The following ALDH1L1 variants were observed in gnomAD, a reference collection of about 807,000 sequenced individuals.
ALDH1L1 encodes the protein cytosolic 10-formyltetrahydrofolate dehydrogenase.
Under a neutral mutation model 101.1 loss-of-function variants are expected in ALDH1L1, and 68 were observed. That is an observed-to-expected ratio of 0.67 (90% CI 0.55 to 0.82). The LOEUF (loss-of-function observed/expected upper bound fraction) is 0.82, where lower values mean the gene tolerates loss of function less well. Ranked by LOEUF, ALDH1L1 falls within the 40% of genes least tolerant of loss-of-function variation. ALDH1L1 has a pLI of 0.00. For synonymous variants in ALDH1L1, 486 were observed against 470.8 expected (o/e 1.03, Z -0.42); for missense variants, 1,087 against 1,172.7 (o/e 0.93, Z 1.07).
chr3:126,177,321 G>A (rs2081379863), intron 1 of ALDH1L1, among the ~76,000 whole-genome samples: 1 of 152,186 alleles, frequency 6.6e-6, no homozygotes, highest in Non-Finnish European at 1.5e-5. Flanking sequence ...GTATGTGAAT[G>A]GAGAAATAAA....
intron 1 of ALDH1L1, among the ~76,000 whole-genome samples, chr3:126,197,181 T>C (rs1173738618): frequency 1.3e-5 from 2 of 152,250 alleles, no homozygotes. Flanking sequence ...ATTTGTTGTT[T>C]ATTTGGAATG....
At position 126,103,808 on chromosome 3, in the gene ALDH1L1, C is replaced by T. The variant is rs762297556; in HGVS notation, c.2692G>A (p.Val898Met). ...ALNEYLRVKT[V>M]TFEY is the part of the protein sequence containing the mutation. Reference sequence around the variant, plus strand: ...ACCTTTCTTCAGTATTCGAAGGTCACTGTCTTGACCCGCAGGTACTCGTTC... The same window carrying T: ...ACCTTTCTTCAGTATTCGAAGGTCATTGTCTTGACCCGCAGGTACTCGTTC... The change falls in exon 23 of 23, where the codon GTG becomes ATG. Residue 898 changes from valine to methionine, a missense_variant. Coordinates refer to ENST00000393434, the MANE Select transcript of ALDH1L1 (RefSeq NM_012190.4). 2.5e-6 allele frequency: 4 copies of T among 1,613,782 alleles called. No homozygotes were observed. The highest frequency in any genetic ancestry group is 3.4e-6 in the Non-Finnish European group (4 of 1,179,874).
At chr3:126,144,354 A>C (rs978640620) in intron 9 of ALDH1L1, among the ~76,000 whole-genome samples, 2 of 152,238 alleles carry the variant, frequency 1.3e-5, no homozygotes, top group Non-Finnish European at 2.9e-5. Context: ...GAAATTACAA[A>C]AATCATCTTA....
intron 1 of ALDH1L1, among the ~76,000 whole-genome samples, chr3:126,191,169 G>C (rs1025577296): frequency 6.6e-6 from 1 of 152,184 alleles, no homozygotes; most frequent in Non-Finnish European, 1.5e-5. Flanking sequence ...CAGCTTAGAT[G>C]GAGATTGGGA....
At chr3:126,117,556 T>C (rs993837824) in intron 17 of ALDH1L1, among the ~76,000 whole-genome samples, 4 of 151,296 alleles carry the variant, frequency 2.6e-5, no homozygotes, top group Non-Finnish European at 5.9e-5. Flanking sequence ...CTTGGGAGGC[T>C]GAGGAGCATC....
upstream of ALDH1L1, among the ~76,000 whole-genome samples, chr3:126,185,380 C>T (rs2081508851): frequency 6.6e-6 from 1 of 152,208 alleles, no homozygotes. Context: ...GTGCTCGCAC[C>T]TCTATGGGGG....
intron 8 of ALDH1L1, among the ~76,000 whole-genome samples, chr3:126,149,976 G>A (rs1404205292): frequency 1.3e-5 from 2 of 152,176 alleles, no homozygotes; most frequent in Non-Finnish European, 1.5e-5. Flanking sequence ...CATCATATTG[G>A]GGCAAAGCTG....
upstream of ALDH1L1, chr3:126,180,927 C>A (rs770415593): frequency 1.9e-6 from 3 of 1,609,030 alleles, no homozygotes; most frequent in Middle Eastern, 1.7e-4. Context: ...CTCACTCACT[C>A]GCTCACCCTC....
intron 1 of ALDH1L1, among the ~76,000 whole-genome samples, chr3:126,171,930 T>C (rs2081284432): frequency 6.6e-6 from 1 of 152,038 alleles, no homozygotes; most frequent in South Asian, 2.1e-4. Flanking sequence ...TCCAGTATAG[T>C]AACAAGGGGA....
At chr3:126,147,222 G>A (rs1316747431) in intron 8 of ALDH1L1, among the ~76,000 whole-genome samples, 4 of 152,188 alleles carry the variant, frequency 2.6e-5, no homozygotes, top group Admixed American at 6.5e-5. Flanking sequence ...GCTGATGGAG[G>A]ACAGATGTGC....
At position 126,136,820 on chromosome 3, in the gene ALDH1L1, A is replaced by C. The variant is rs1401334691; in HGVS notation, c.1288T>G (p.Phe430Val). The change falls in exon 11 of 23, where the codon TTC (phenylalanine) becomes GTC (valine). Residue 430 changes from phenylalanine to valine, a missense_variant. This residue lies in a region of ALDH1L1 where 645 missense variants were observed against 637.0 expected (regional missense o/e 1.01). Transcript: ENST00000393434. ...GTCTTGGCGCCCTCGGCATCCACGA[A>C]CTCCCCCCCAATGAAGAGCTGGTGG... ...MPHQLFIGGE[F>V]VDAEGAKTSE... The C allele has an allele frequency of 6.2e-7, 1 of 1,607,848 alleles. No homozygotes were observed. The highest frequency in any genetic ancestry group is 8.5e-7 in the Non-Finnish European group (1 of 1,177,432).
rs968617590 is a variant in ALDH1L1 at position 126,116,316 on chromosome 3, C to A, written c.1983-1660G>T. ...TGGAGTGCAGTGCGTGATCTCGGCT[C>A]ATTTAGCTTCCGTGTCCCAGGCTTC... On this transcript the variant is annotated intron_variant, in intron 17 of 22. Transcript: ENST00000393434. Among the ~76,000 whole-genome samples the A allele has an allele frequency of 2.0e-5, 3 of 151,784 alleles. 1 individual carries two copies. The highest frequency in any genetic ancestry group is 2.0e-4 in the Admixed American group (3 of 15,248).
chr3:126,147,347 G>A (rs921974156), intron 8 of ALDH1L1, among the ~76,000 whole-genome samples: 1 of 152,218 alleles, frequency 6.6e-6, no homozygotes, highest in African/African-American at 2.4e-5. Flanking sequence ...ACCGATGCCC[G>A]GGTGTTGTAG....
chr3:126,162,978 T>C (rs1371117603), intron 1 of ALDH1L1, among the ~76,000 whole-genome samples: 1 of 152,232 alleles, frequency 6.6e-6, no homozygotes, highest in African/African-American at 2.4e-5. Context: ...TACACATCTA[T>C]CTTTGAAACT....
At chr3:126,181,458 C>T (rs1169015430), upstream of ALDH1L1, 1 of 199,618 alleles carries the variant, frequency 5.0e-6, no homozygotes, top group Admixed American at 5.1e-5. Context: ...GCTGCAGCCC[C>T]TGCCTTTACC....
At chr3:126,168,593 G>C (rs924217356) in intron 1 of ALDH1L1, among the ~76,000 whole-genome samples, 1 of 151,930 alleles carries the variant, frequency 6.6e-6, no homozygotes, top group African/African-American at 2.4e-5. Flanking sequence ...TAATATCGAG[G>C]GTTTTAAATT....
chr3:126,135,402 G>A, intron 12 of ALDH1L1, 133 bp downstream of exon 12: 1 of 1,253,718 alleles, frequency 8.0e-7, no homozygotes, highest in Non-Finnish European at 1.1e-6. Context: ...CCCATCTGAT[G>A]GCCTCGGTCC....
At chr3:126,166,468 T>C (rs1322908390) in intron 1 of ALDH1L1, among the ~76,000 whole-genome samples, 1 of 152,194 alleles carries the variant, frequency 6.6e-6, no homozygotes, top group Non-Finnish European at 1.5e-5. Context: ...CAAGAAAGTA[T>C]ATTCAAAAGT....
At chr3:126,193,900 T>C (rs1352046814) in intron 1 of ALDH1L1, among the ~76,000 whole-genome samples, 1 of 152,218 alleles carries the variant, frequency 6.6e-6, no homozygotes, top group Non-Finnish European at 1.5e-5. Flanking sequence ...GTCAGTCTTT[T>C]CATTAAAGTT....
Sources: allele counts gnomAD v4.1 joint callset (sites outside exome capture counted in the v4.1 genomes callset), GRCh38; gene constraint gnomAD v4.1.1; regional missense constraint gnomAD v4.1.1; transcripts MANE v1.5; gene names NCBI Gene and HGNC (gene_info 2026-07-23, HGNC 2026-07-21).